CEP192: variants seen among roughly 807,000 people sequenced by gnomAD.
CEP192 encodes centrosomal protein of 192 kDa.
CEP192 carries 151 observed loss-of-function variants against 271.8 expected under a neutral mutation model. That is an observed-to-expected ratio of 0.56 (90% CI 0.49 to 0.64). CEP192 has a LOEUF of 0.64. CEP192 is among the 30% of genes least tolerant of loss of function. The pLI is 0.00. For missense variants in CEP192, 2,910 were observed against 3,020.5 expected (o/e 0.96, Z 0.86); for synonymous variants, 995 against 1,076.5 (o/e 0.92, Z 1.48).
chr18:13,083,113 C>T (rs2038711183), intron 30 of CEP192, among the ~76,000 whole-genome samples: 1 of 152,148 alleles, frequency 6.6e-6, no homozygotes, highest in African/African-American at 2.4e-5. Context: ...GGTTGCTCTT[C>T]TCGAGGAGTA....
intron 44 of CEP192, among the ~76,000 whole-genome samples, chr18:13,123,452 AAACCTCATGC>A (rs1446546195): frequency 6.6e-6 from 1 of 152,228 alleles, no homozygotes; most frequent in African/African-American, 2.4e-5. Flanking sequence ...GCTGTTTTCT[AAACCTCATGC>A]CCGGTGTACT....
chr18:13,048,752 T>C lies in CEP192; in HGVS notation c.2068-107T>C. On this transcript the variant is annotated intron_variant, in intron 15 of 44. Transcript: ENST00000506447. ...ATTTGGTACTATCTGAGGTTTCAGG[T>C]ATCCACTTGGAGGTTTTGAAACGCA... The C allele has an allele frequency of 5.7e-6, 4 of 703,724 alleles. No individual in the cohort carries two copies. The South Asian group carries it at 5.9e-5, about 10-fold the overall frequency. The allele number at this position is 703,724 out of a possible 1,614,324, so 43.6% of individuals were successfully genotyped here. A position where few individuals can be genotyped will look rare whatever the true frequency, so the allele number is the denominator to read the frequency against.
chr18:13,045,791 G>A (rs1163337843), intron 15 of CEP192, among the ~76,000 whole-genome samples: 2 of 152,164 alleles, frequency 1.3e-5, no homozygotes, highest in Non-Finnish European at 2.9e-5. Context: ...ATCCTTTATT[G>A]AGCATGTCTC....
chr18:13,030,682 T>G, intron 11 of CEP192, 74 bp downstream of exon 11: 1 of 1,211,464 alleles, frequency 8.3e-7, no homozygotes, highest in Non-Finnish European at 1.2e-6. Flanking sequence ...GTGTATATGT[T>G]GGTCAGCCAC....
chr18:13,089,498 A>G lies in CEP192; in HGVS notation c.6036A>G (p.Pro2012=), dbSNP rs748806204. The G allele has an allele frequency of 2.5e-6, 4 of 1,606,886 alleles. No individual in the cohort carries two copies. The East Asian group carries it at 9.0e-5, about 36-fold the overall frequency. Residue 2012 remains proline, a synonymous_variant, in exon 33 of 45, where the codon CCA becomes CCG. Coordinates refer to ENST00000506447, the MANE Select transcript of CEP192 (RefSeq NM_032142.4). ...HKPEMIKQIL[P]EHSVLQNINF... is the part of the protein sequence containing the mutation. ...CAGAGATGATAAAACAGATACTTCC[A>G]GAACATAGTGTGCTTCAAAACATTA...
intron 33 of CEP192, among the ~76,000 whole-genome samples, chr18:13,092,128 A>G (rs1243480532): frequency 2.6e-5 from 4 of 152,206 alleles, no homozygotes; most frequent in African/African-American, 9.6e-5. Context: ...AGGTTAAGTA[A>G]CTTGCCAAAA....
chr18:13,095,302 T>G (rs1236179098), intron 34 of CEP192, among the ~76,000 whole-genome samples: 1 of 152,186 alleles, frequency 6.6e-6, no homozygotes, highest in Non-Finnish European at 1.5e-5. Flanking sequence ...ACACCCAGCC[T>G]GTACACATTG....
Position 12,991,377 on chromosome 18 carries a change from C to T in CEP192, c.-65C>T, listed in dbSNP as rs548808419. The T allele has an allele frequency of 2.6e-5, 4 of 152,516 alleles. No homozygotes were observed. The highest frequency in any genetic ancestry group is 1.9e-4 in the East Asian group (1 of 5,188). 9.4% of individuals were successfully genotyped at this position (152,516 alleles called of 1,614,324 possible). A position where few individuals can be genotyped will look rare whatever the true frequency, so the allele number is the denominator to read the frequency against. On this transcript the variant is annotated 5_prime_UTR_variant, in exon 1 of 45. Transcript: ENST00000506447. ...GCGCACTTGCAGTGCCCTGGGACACCTCTTCAGTCCGTGGACTTTCCCGCT... is the reference window on the plus strand; with the variant it reads ...GCGCACTTGCAGTGCCCTGGGACACTTCTTCAGTCCGTGGACTTTCCCGCT...
chr18:13,097,236 C>T (rs2039443511), intron 36 of CEP192, among the ~76,000 whole-genome samples: 1 of 152,112 alleles, frequency 6.6e-6, no homozygotes, highest in Non-Finnish European at 1.5e-5. Flanking sequence ...ATGGGTTTAG[C>T]AGGGGAAGAC....
chr18:13,100,965 G>A (rs575130513), intron 38 of CEP192, among the ~76,000 whole-genome samples: 39 of 152,320 alleles, frequency 2.6e-4, no homozygotes, highest in Non-Finnish European at 4.9e-4. Flanking sequence ...GATAAATTTA[G>A]TAATTCCTGT....
intron 20 of CEP192, chr18:13,058,397 A>T (rs1334060654): frequency 6.6e-6 from 1 of 152,378 alleles, no homozygotes; most frequent in Non-Finnish European, 1.5e-5. Flanking sequence ...GTATTGGTGG[A>T]TGCTTCCCTC....
rs2032829696 is a variant in CEP192, at chr18:12,991,412, C to T, written c.-30C>T. Reference sequence around the variant, plus strand: ...CGTGGACTTTCCCGCTGCACACTGCCCTCCGAAGTCGGGGACGCGGGCTCG... The same window carrying T: ...CGTGGACTTTCCCGCTGCACACTGCTCTCCGAAGTCGGGGACGCGGGCTCG... On this transcript the variant is annotated 5_prime_UTR_variant, in exon 1 of 45. Transcript: ENST00000506447. 6.5e-6 allele frequency: 1 copy of T among 152,684 alleles called. No homozygotes were observed. Among genetic ancestry groups the T allele is most frequent in the Non-Finnish European group, 1.5e-5 (1 of 68,410 alleles). 9.5% of individuals were successfully genotyped at this position (152,684 alleles called of 1,614,324 possible).
chr18:13,040,192 T>G (rs1463545915), intron 13 of CEP192, among the ~76,000 whole-genome samples: 1 of 152,236 alleles, frequency 6.6e-6, no homozygotes, highest in Non-Finnish European at 1.5e-5. Context: ...TGTTGTGGTA[T>G]AAGTGATGAC....
At chr18:13,074,323 G>A (rs748549414) in intron 30 of CEP192, among the ~76,000 whole-genome samples, 1 of 152,222 alleles carries the variant, frequency 6.6e-6, no homozygotes, top group Non-Finnish European at 1.5e-5. Context: ...AAAGATGTTA[G>A]TGGTCATTTT....
At chr18:13,102,783 T>A (rs2039773691) in intron 38 of CEP192, among the ~76,000 whole-genome samples, 1 of 152,162 alleles carries the variant, frequency 6.6e-6, no homozygotes, top group Non-Finnish European at 1.5e-5. Flanking sequence ...TGCCTGTGCC[T>A]TTCCTTCTCT....
In CEP192 at chr18:13,018,571, A is replaced by G; in HGVS notation, c.881A>G (p.His294Arg). The G allele has an allele frequency of 6.5e-7, 1 of 1,541,506 alleles. No homozygotes were observed. Among genetic ancestry groups the G allele is most frequent in the Admixed American group, 2.0e-5 (1 of 50,580 alleles). The change falls in exon 8 of 45, where the codon CAC (histidine) becomes CGC (arginine). Residue 294 changes from histidine (H) to arginine (R), a missense_variant. Transcript: ENST00000506447. ...GACTCACACTCTTCTGAAACAACTCACAAAGAGTCTGAGGAAAGCCAAGTT... is the reference window on the plus strand; with the variant it reads ...GACTCACACTCTTCTGAAACAACTCGCAAAGAGTCTGAGGAAAGCCAAGTT... ...SLDSHSSETT[H>R]KESEESQVIC...
intron 34 of CEP192, among the ~76,000 whole-genome samples, chr18:13,094,062 A>G (rs2039276806): frequency 1.3e-5 from 2 of 152,196 alleles, no homozygotes; most frequent in Admixed American, 1.3e-4. Context: ...CAGTTTGCAG[A>G]TTCAATTTTC....
intron 28 of CEP192, 118 bp from the exon 29 acceptor site, chr18:13,072,637 T>C: frequency 1.4e-6 from 1 of 693,358 alleles, no homozygotes; most frequent in Non-Finnish European, 2.6e-6. Context: ...GCTACTGAAA[T>C]GGCTTGTATA....
Position 13,071,207 on chromosome 18 carries a change from A to T in CEP192, c.5343A>T (p.Arg1781Ser). ...CTTGGGGAGGAGTCCCTCTAGGTAG[A>T]ACACAGTAAGTGTCAAAGACTGACA... ...FLAWGGVPLG[R>S]TQLQKLALRN... Residue 1781 changes from arginine (R) to serine (S), a missense_variant, in exon 28 of 45, where the codon AGA becomes AGT. Arg to Ser is a moderately radical substitution (Grantham distance 110). Transcript: ENST00000506447. The T allele has an allele frequency of 6.2e-7, 1 of 1,613,072 alleles. No homozygotes were observed. Among genetic ancestry groups the T allele is most frequent in the African/African-American group, 1.3e-5 (1 of 75,038 alleles).
Sources: gnomAD v4.1 joint callset for allele counts (sites outside exome capture counted in the v4.1 genomes callset) on GRCh38, gnomAD v4.1.1 for gene constraint, MANE v1.5 for transcripts, NCBI Gene and HGNC (gene_info 2026-07-23, HGNC 2026-07-21) for gene names.